The following HSPB8 variants were observed in gnomAD, a reference collection of about 807,000 sequenced individuals.
HSPB8 encodes heat shock protein beta-8.
HSPB8 carries 9 observed loss-of-function variants against 16.5 expected under a neutral mutation model. The observed-to-expected ratio is 0.55, with a 90% CI of 0.33 to 0.95. The LOEUF (loss-of-function observed/expected upper bound fraction) is 0.95. Ranked by LOEUF, HSPB8 falls within the 40% of genes least tolerant of loss-of-function variation. The pLI is 0.03. For missense variants in HSPB8, 238 were observed against 251.2 expected (o/e 0.95, Z 0.35); for synonymous variants, 99 against 94.8 (o/e 1.04, Z -0.26).
chr12:119,181,737 T>C (rs755250103), intron 1 of HSPB8, among the ~76,000 whole-genome samples: 1 of 152,222 alleles, frequency 6.6e-6, no homozygotes. Flanking sequence ...TTCACTAGCA[T>C]GGCGGATGTG....
At chr12:119,186,772 T>G in intron 1 of HSPB8, 1 of 504,844 alleles carries the variant, frequency 2.0e-6, no homozygotes, top group Non-Finnish European at 3.6e-6. Flanking sequence ...AACCCTTAAT[T>G]AACTACAAAC....
intron 2 of HSPB8, among the ~76,000 whole-genome samples, chr12:119,190,180 C>T (rs572955794): frequency 6.6e-6 from 1 of 152,158 alleles, no homozygotes; most frequent in African/African-American, 2.4e-5. Context: ...AAAGGCTTCA[C>T]AAGGCTGGAC....
At chr12:119,191,574 A>G (rs1954712266) in intron 2 of HSPB8, among the ~76,000 whole-genome samples, 1 of 145,450 alleles carries the variant, frequency 6.9e-6, no homozygotes, top group Non-Finnish European at 1.5e-5. Flanking sequence ...AGGTTGTTGT[A>G]CCCACAAAAA....
At chr12:119,180,105 C>G (rs909848283) in intron 1 of HSPB8, among the ~76,000 whole-genome samples, 1 of 152,188 alleles carries the variant, frequency 6.6e-6, no homozygotes, top group South Asian at 2.1e-4. Context: ...ATAACCGCAA[C>G]TGGTTTCCGG....
chr12:119,184,771 C>T (rs2066787693), intron 1 of HSPB8, among the ~76,000 whole-genome samples: 1 of 152,286 alleles, frequency 6.6e-6, no homozygotes, highest in South Asian at 2.1e-4. Flanking sequence ...GTTCTAGCTA[C>T]AAGAATGTTC....
At chr12:119,186,593 C>T (rs1000028174) in intron 1 of HSPB8, among the ~76,000 whole-genome samples, 6 of 152,146 alleles carry the variant, frequency 3.9e-5, no homozygotes, top group East Asian at 1.9e-4. Context: ...ATGGCAGAGT[C>T]GCCCTCAGCA....
chr12:119,190,272 G>A (rs56134777), intron 2 of HSPB8, among the ~76,000 whole-genome samples: 6,259 of 152,238 alleles, frequency 0.041, 476 homozygotes, highest in African/African-American at 0.14. Context: ...TGGGGTCTGG[G>A]ACACCTCTGG....
chr12:119,183,781 C>T (rs1218456646), intron 1 of HSPB8, among the ~76,000 whole-genome samples: 1 of 152,110 alleles, frequency 6.6e-6, no homozygotes, highest in African/African-American at 2.4e-5. Flanking sequence ...ACCTCCAGGC[C>T]CCTCTTTTGG....
intron 2 of HSPB8, among the ~76,000 whole-genome samples, chr12:119,187,457 C>T (rs578050077): frequency 5.3e-5 from 8 of 152,272 alleles, no homozygotes; most frequent in Admixed American, 4.6e-4. Context: ...TGGGTTCAAG[C>T]GGTCCGTGTG....
At chr12:119,183,990 G>A (rs114616710) in intron 1 of HSPB8, among the ~76,000 whole-genome samples, 2,148 of 152,228 alleles carry the variant, frequency 0.014, 53 homozygotes, top group African/African-American at 0.049. Context: ...TGCTTCCTAC[G>A]GTAACCCGGT....
At chr12:119,184,238 C>A (rs534723494) in intron 1 of HSPB8, among the ~76,000 whole-genome samples, 1 of 152,092 alleles carries the variant, frequency 6.6e-6, no homozygotes. Flanking sequence ...AATGAAAATG[C>A]CTGCTTATAT....
chr12:119,194,000 T>C lies in HSPB8; in HGVS notation c.*142T>C, dbSNP rs112560961. ...GGGTGAGGACTGACCACAGATTCCC[T>C]GGATAGTGTAGTGGTAGATTTCTCC... On this transcript the variant is annotated 3_prime_UTR_variant, in exon 3 of 3. Coordinates refer to ENST00000281938, the MANE Select transcript of HSPB8 (RefSeq NM_014365.3). The C allele has an allele frequency of 1.0e-4, 94 of 898,200 alleles. 2 individuals are homozygous for C. The highest frequency in any genetic ancestry group is 7.9e-4 in the South Asian group (57 of 72,046). The allele number at this position is 898,200 out of a possible 1,614,324, so 55.6% of individuals were successfully genotyped here.
At chr12:119,186,814 T>C (rs1205844321) in intron 1 of HSPB8, 2 of 590,262 alleles carry the variant, frequency 3.4e-6, no homozygotes, top group East Asian at 5.8e-5. Flanking sequence ...ATCAATTATC[T>C]TATTTCACCT....
At chr12:119,190,251 A>G (rs1184419689) in intron 2 of HSPB8, among the ~76,000 whole-genome samples, 1 of 152,204 alleles carries the variant, frequency 6.6e-6, no homozygotes, top group Non-Finnish European at 1.5e-5. Flanking sequence ...CTAGACACCT[A>G]GGAGTCGAAC....
chr12:119,184,679 C>T (rs1161013917), intron 1 of HSPB8, among the ~76,000 whole-genome samples: 3 of 152,208 alleles, frequency 2.0e-5, no homozygotes, highest in African/African-American at 4.8e-5. Flanking sequence ...AATTTAGGAA[C>T]ATAGATTAAG....
intron 2 of HSPB8, among the ~76,000 whole-genome samples, chr12:119,188,227 C>CTT (rs911069496): frequency 8.0e-6 from 1 of 124,574 alleles, no homozygotes; most frequent in Non-Finnish European, 1.6e-5. Context: ...GGCCCCTAAA[C>CTT]TCTCTCTCTC....
At chr12:119,185,004 T>C (rs758926063) in intron 1 of HSPB8, among the ~76,000 whole-genome samples, 10 of 152,208 alleles carry the variant, frequency 6.6e-5, no homozygotes, top group Non-Finnish European at 1.5e-4. Context: ...GATAGAATAC[T>C]GATATACATG....
Position 119,194,300 on chromosome 12 carries a change from G to C in HSPB8, c.*442G>C, listed in dbSNP as rs1954731366. 3 of 270,240 alleles carry C rather than the reference G, an allele frequency of 1.1e-5. No individual in the cohort carries two copies. Among genetic ancestry groups the C allele is most frequent in the South Asian group, 8.5e-5 (2 of 23,442 alleles). 16.7% of individuals were successfully genotyped at this position (270,240 alleles called of 1,614,324 possible). A position where few individuals can be genotyped will look rare whatever the true frequency, so the allele number is the denominator to read the frequency against. On this transcript the variant is annotated 3_prime_UTR_variant, in exon 3 of 3. Coordinates refer to ENST00000281938, the MANE Select transcript of HSPB8 (RefSeq NM_014365.3). Reference sequence around the variant, plus strand: ...CGCATGGTTTGGTTAATGAAACCCAGTAGCTAACCCCACTGTGCTTCCACA... The same window carrying C: ...CGCATGGTTTGGTTAATGAAACCCACTAGCTAACCCCACTGTGCTTCCACA...
At chr12:119,187,113 T>G (rs751655718) in intron 2 of HSPB8, 25 bp downstream of exon 2, 5 of 1,600,370 alleles carry the variant, frequency 3.1e-6, no homozygotes, top group Non-Finnish European at 4.3e-6. Flanking sequence ...GTCATGGAGC[T>G]CAGGGTGGGA....
Sources: allele counts gnomAD v4.1 joint callset (sites outside exome capture counted in the v4.1 genomes callset), GRCh38; gene constraint gnomAD v4.1.1; transcripts MANE v1.5; gene names NCBI Gene and HGNC (gene_info 2026-07-23, HGNC 2026-07-21).